The following DDX10 variants were observed in gnomAD, a reference collection of about 807,000 sequenced individuals.
The protein encoded by DDX10 is probable ATP-dependent RNA helicase DDX10.
A neutral mutation model predicts 104.3 loss-of-function variants in DDX10; 74 were observed. The observed-to-expected ratio is 0.71, with a 90% CI of 0.59 to 0.86. The LOEUF (loss-of-function observed/expected upper bound fraction) is 0.86. Among genes scored for constraint, DDX10 ranks in the 40% least tolerant of loss-of-function variants. The probability of loss-of-function intolerance (pLI) is 0.00; values close to 1 mark genes in which losing one functional copy is unlikely to be tolerated. For synonymous variants in DDX10, 351 were observed against 353.4 expected, an observed-to-expected ratio of 0.99 and a Z score of 0.08; for missense variants, 952 against 1,040.0, an observed-to-expected ratio of 0.92 and a Z score of 1.16.
intron 10 of DDX10, among the ~76,000 whole-genome samples, chr11:108,711,360 T>G (rs2094284039): frequency 6.6e-6 from 1 of 152,208 alleles, no homozygotes; most frequent in South Asian, 2.1e-4. Flanking sequence ...TATGACAGAG[T>G]TTTGATCTGT....
At position 108,935,585 on chromosome 11, in the gene DDX10, AT is replaced by A. The variant is rs147280056; in HGVS notation, c.2451-4652del. 2.6e-5 allele frequency among the ~76,000 whole-genome samples: 4 copies of A among 151,810 alleles called. No individual in the cohort carries two copies. In the East Asian group the frequency reaches 5.8e-4, roughly 22 times the overall value. ...TTTTATTTAAGATGACTGGTTCTTA[AT>A]TTTTTTTTATTTGAGGGGAGGTGGG... On this transcript the variant is annotated intron_variant, in intron 17 of 17. Coordinates refer to ENST00000322536, the MANE Select transcript of DDX10 (RefSeq NM_004398.4).
At chr11:108,697,279 A>G (rs1399639094) in intron 9 of DDX10, among the ~76,000 whole-genome samples, 1 of 147,908 alleles carries the variant, frequency 6.8e-6, no homozygotes, top group African/African-American at 2.5e-5. Flanking sequence ...GGGCTTAAAG[A>G]TAATTAGAAA....
rs58772238 is a variant in DDX10 at position 108,736,154 on chromosome 11, C to CT, written c.1965+12709dup. 4.5e-3 allele frequency among the ~76,000 whole-genome samples: 623 copies of CT among 137,036 alleles called. 3 individuals carry two copies. Among genetic ancestry groups the CT allele is most frequent in the African/African-American group, 9.4e-3 (344 of 36,564 alleles). 89.9% of individuals were successfully genotyped at this position (137,036 alleles called of 152,430 possible). On this transcript the variant is annotated intron_variant, in intron 13 of 17. Transcript: ENST00000322536. ...TGAACCCCTCTTTGCTTCCCTAGTTCTTTTTTTTTTTTTTTTTAACCTTTT... is the reference window on the plus strand; with the variant it reads ...TGAACCCCTCTTTGCTTCCCTAGTTCTTTTTTTTTTTTTTTTTTAACCTTTT...
At chr11:108,869,124 T>G (rs1863046599) in intron 16 of DDX10, among the ~76,000 whole-genome samples, 1 of 152,050 alleles carries the variant, frequency 6.6e-6, no homozygotes, top group Admixed American at 6.5e-5. Flanking sequence ...AATAATGGCT[T>G]GATGAATTTA....
At chr11:108,819,284 TG>T (rs1862294279) in intron 13 of DDX10, among the ~76,000 whole-genome samples, 1 of 152,190 alleles carries the variant, frequency 6.6e-6, no homozygotes. Context: ...TACCTCTACT[TG>T]TAATTACTAT....
chr11:108,770,441 T>C (rs1043125853), intron 13 of DDX10, among the ~76,000 whole-genome samples: 1 of 151,962 alleles, frequency 6.6e-6, no homozygotes, highest in Non-Finnish European at 1.5e-5. Flanking sequence ...GTAGGTCTTA[T>C]TCATTCTTTC....
intron 16 of DDX10, among the ~76,000 whole-genome samples, chr11:108,896,720 G>A (rs907171563): frequency 6.6e-6 from 1 of 152,090 alleles, no homozygotes; most frequent in African/African-American, 2.4e-5. Context: ...TCATATCTTA[G>A]TTGCTTCTCT....
intron 16 of DDX10, among the ~76,000 whole-genome samples, chr11:108,875,885 C>T (rs1324736796): frequency 5.3e-5 from 8 of 152,144 alleles, no homozygotes; most frequent in Admixed American, 5.2e-4. Flanking sequence ...GTGGGTTTCA[C>T]TGTTTTCATA....
At chr11:108,859,542 G>A (rs1384436583) in intron 16 of DDX10, among the ~76,000 whole-genome samples, 2 of 152,122 alleles carry the variant, frequency 1.3e-5, no homozygotes, top group Admixed American at 6.5e-5. Context: ...TCAGTTGGGT[G>A]GTCATTTAGA....
intron 14 of DDX10, among the ~76,000 whole-genome samples, chr11:108,839,815 A>G (rs560025744): frequency 3.3e-5 from 5 of 152,226 alleles, no homozygotes; most frequent in Admixed American, 3.3e-4. Context: ...GAAACAGACT[A>G]AACTAGAATA....
chr11:108,809,581 G>T (rs1242707795), intron 13 of DDX10, among the ~76,000 whole-genome samples: 1 of 152,158 alleles, frequency 6.6e-6, no homozygotes, highest in Admixed American at 6.5e-5. Flanking sequence ...GTGGAGTCTG[G>T]GGGAGCTATC....
rs114770318 is a variant in DDX10, at chr11:108,702,184, T to C, written c.1224-4555T>C. ...AAGATATAGGTCTTAAAAACATAGTTTTTTTAAAAAACTTATTTTTAATAA... is the reference window on the plus strand; with the variant it reads ...AAGATATAGGTCTTAAAAACATAGTCTTTTTAAAAAACTTATTTTTAATAA... On this transcript the variant is annotated intron_variant, in intron 9 of 17. Transcript: ENST00000322536. Among the ~76,000 whole-genome samples the C allele has an allele frequency of 6.5e-3, 983 of 152,264 alleles. 5 individuals are homozygous for C. Among genetic ancestry groups the C allele is most frequent in the African/African-American group, 0.022 (908 of 41,544 alleles).
At chr11:108,827,348 A>G (rs1166784560) in intron 13 of DDX10, among the ~76,000 whole-genome samples, 1 of 152,196 alleles carries the variant, frequency 6.6e-6, no homozygotes, top group Non-Finnish European at 1.5e-5. Flanking sequence ...TATAATGGGG[A>G]TGAGAGTGAA....
At chr11:108,836,930 A>G (rs1217178883) in intron 13 of DDX10, among the ~76,000 whole-genome samples, 1 of 152,228 alleles carries the variant, frequency 6.6e-6, no homozygotes, top group Non-Finnish European at 1.5e-5. Flanking sequence ...TCTGGTAATT[A>G]TAGATAAATG....
At chr11:108,736,441 C>T (rs2094318506) in intron 13 of DDX10, among the ~76,000 whole-genome samples, 1 of 152,026 alleles carries the variant, frequency 6.6e-6, no homozygotes, top group Non-Finnish European at 1.5e-5. Context: ...GGGATTTGGC[C>T]TTATAAGTGA....
Position 108,675,675 on chromosome 11 carries a change from A to G in DDX10, c.327A>G (p.Val109=), listed in dbSNP as rs2094223949. The stretch of plus-strand genomic sequence containing the variant: ...GATTGGCTTTGCAAGGTAAAGATGT[A>G]CTTGGAGCGGCCAAAACTGGATCTG... ...TIGLALQGKD[V]LGAAKTGSGK... The change falls in exon 3 of 18, where the codon GTA becomes GTG. Residue 109 remains valine, a synonymous_variant. Transcript: ENST00000322536. 1.2e-6 allele frequency: 2 copies of G among 1,614,200 alleles called. No individual in the cohort carries two copies. The highest frequency in any genetic ancestry group is 4.5e-5 in the East Asian group (2 of 44,888).
intron 2 of DDX10, 127 bp from the exon 3 acceptor site, chr11:108,675,469 A>T: frequency 1.0e-6 from 1 of 985,488 alleles, no homozygotes; most frequent in Non-Finnish European, 1.5e-6. Context: ...CTCCAAGTAT[A>T]GTTATGTTCT....
chr11:108,778,953 C>CA (rs1356038751), intron 13 of DDX10, among the ~76,000 whole-genome samples: 9 of 152,160 alleles, frequency 5.9e-5, no homozygotes, highest in Non-Finnish European at 1.3e-4. Context: ...TCATCACTGG[C>CA]CATCAGAGAA....
chr11:108,865,431 A>C (rs1862996941), intron 16 of DDX10, among the ~76,000 whole-genome samples: 1 of 152,072 alleles, frequency 6.6e-6, no homozygotes, highest in African/African-American at 2.4e-5. Flanking sequence ...AATATTTTTG[A>C]GGTGTGTCAC....
Sources: allele counts gnomAD v4.1 joint callset (sites outside exome capture counted in the v4.1 genomes callset), GRCh38; gene constraint gnomAD v4.1.1; transcripts MANE v1.5; gene names NCBI Gene and HGNC (gene_info 2026-07-23, HGNC 2026-07-21).